Variants in SLC35F1 observed in about 807,000 individuals in gnomAD.
SLC35F1 encodes solute carrier family 35 member F1, also known as chromosome 6 open reading frame 169.
A neutral mutation model predicts 48.7 loss-of-function variants in SLC35F1; 14 were observed. That is an observed-to-expected ratio of 0.29 (90% CI 0.19 to 0.45). The LOEUF (loss-of-function observed/expected upper bound fraction) is 0.45. SLC35F1 is among the 20% of genes least tolerant of loss of function. The pLI is 1.00. For synonymous variants in SLC35F1, 190 were observed against 202.2 expected, an observed-to-expected ratio of 0.94 and a Z score of 0.51; for missense variants, 404 against 500.0, an observed-to-expected ratio of 0.81 and a Z score of 1.83.
chr6:118,109,907 T>G (rs996554418), intron 1 of SLC35F1, among the ~76,000 whole-genome samples: 1 of 152,188 alleles, frequency 6.6e-6, no homozygotes, highest in African/African-American at 2.4e-5. Context: ...GCATAATTAT[T>G]AAGGGCTTTC....
intron 2 of SLC35F1, among the ~76,000 whole-genome samples, chr6:118,174,473 A>T (rs1010970938): frequency 6.6e-6 from 1 of 152,146 alleles, no homozygotes; most frequent in Non-Finnish European, 1.5e-5. Flanking sequence ...ATTAGATGGC[A>T]GGTAGGCACA....
chr6:118,078,606 C>T (rs1772859107), intron 1 of SLC35F1, among the ~76,000 whole-genome samples: 1 of 152,140 alleles, frequency 6.6e-6, no homozygotes, highest in Non-Finnish European at 1.5e-5. Flanking sequence ...TGGTGGATTA[C>T]ACATTGATTT....
At chr6:118,030,841 A>G (rs1562268854) in intron 1 of SLC35F1, among the ~76,000 whole-genome samples, 1 of 152,210 alleles carries the variant, frequency 6.6e-6, no homozygotes. Context: ...CTTTAACAGC[A>G]GAGGGTCATT....
At chr6:118,175,128 C>T (rs192269860) in intron 2 of SLC35F1, among the ~76,000 whole-genome samples, 59 of 152,152 alleles carry the variant, frequency 3.9e-4, no homozygotes, top group Middle Eastern at 3.4e-3. Flanking sequence ...TTAATTTTTA[C>T]AATTTGTTTT....
intron 4 of SLC35F1, among the ~76,000 whole-genome samples, chr6:118,268,036 T>A (rs1426119522): frequency 6.6e-6 from 1 of 152,048 alleles, no homozygotes; most frequent in Non-Finnish European, 1.5e-5. Context: ...TGATAAAGAG[T>A]CAAAAGTGGA....
chr6:117,923,968 G>A (rs940096065), intron 1 of SLC35F1, among the ~76,000 whole-genome samples: 1 of 150,340 alleles, frequency 6.7e-6, no homozygotes, highest in African/African-American at 2.4e-5. Flanking sequence ...CATATATAGG[G>A]AATAGAATGG....
chr6:117,976,737 A>G (rs879349145), intron 1 of SLC35F1, among the ~76,000 whole-genome samples: 13 of 152,314 alleles, frequency 8.5e-5, no homozygotes, highest in Admixed American at 2.6e-4. Flanking sequence ...TTTCAAAAGT[A>G]GTACACATTT....
intron 2 of SLC35F1, among the ~76,000 whole-genome samples, chr6:118,215,584 G>A (rs999858392): frequency 2.0e-5 from 3 of 152,144 alleles, no homozygotes; most frequent in Admixed American, 6.6e-5. Context: ...TGGCAGAAAT[G>A]ACGATATGAT....
intron 1 of SLC35F1, among the ~76,000 whole-genome samples, chr6:118,083,750 T>A (rs1233947808): frequency 6.6e-6 from 1 of 152,252 alleles, no homozygotes; most frequent in East Asian, 1.9e-4. Flanking sequence ...CAGATACAGA[T>A]GAACAATAAT....
At chr6:117,933,558 C>T (rs997853811) in intron 1 of SLC35F1, among the ~76,000 whole-genome samples, 1 of 152,072 alleles carries the variant, frequency 6.6e-6, no homozygotes, top group Non-Finnish European at 1.5e-5. Context: ...TAGAACTGCC[C>T]TCTGGGCACC....
At chr6:118,030,622 G>A (rs1297607963) in intron 1 of SLC35F1, among the ~76,000 whole-genome samples, 2 of 152,120 alleles carry the variant, frequency 1.3e-5, no homozygotes, top group African/African-American at 4.8e-5. Context: ...TTTGGGGGTG[G>A]GGAGATGGGA....
intron 1 of SLC35F1, among the ~76,000 whole-genome samples, chr6:118,013,085 T>A (rs953927628): frequency 6.6e-6 from 1 of 152,216 alleles, no homozygotes; most frequent in Admixed American, 6.5e-5. Flanking sequence ...CCCTGTTTTC[T>A]GCAGCTCAAT....
rs1343380509 is a variant in SLC35F1, at chr6:117,978,490, G to A, written c.173+70591G>A. On this transcript the variant is annotated intron_variant, in intron 1 of 7. Coordinates refer to ENST00000360388, the MANE Select transcript of SLC35F1 (RefSeq NM_001029858.4). Reference sequence around the variant, plus strand: ...ACATCTTCATCATAATGAGCAACAAGCCATGTGGTCTTAAGTGCTGTTTAT... The same window carrying A: ...ACATCTTCATCATAATGAGCAACAAACCATGTGGTCTTAAGTGCTGTTTAT... Among the ~76,000 whole-genome samples the A allele has an allele frequency of 3.3e-5, 5 of 152,116 alleles. No individual in the cohort carries two copies. The South Asian group carries it at 8.3e-4, about 25-fold the overall frequency.
chr6:118,199,858 A>T (rs2114534068), intron 2 of SLC35F1, among the ~76,000 whole-genome samples: 1 of 152,316 alleles, frequency 6.6e-6, no homozygotes, highest in East Asian at 1.9e-4. Context: ...CAGGACACAT[A>T]ATAAATTTCA....
intron 6 of SLC35F1, among the ~76,000 whole-genome samples, chr6:118,283,355 A>G (rs1453199304): frequency 6.6e-6 from 1 of 152,234 alleles, no homozygotes; most frequent in African/African-American, 2.4e-5. Context: ...CTTTCTGCAT[A>G]GCATTAATAG....
intron 2 of SLC35F1, among the ~76,000 whole-genome samples, chr6:118,225,196 A>G (rs1316214803): frequency 6.6e-6 from 1 of 152,216 alleles, no homozygotes; most frequent in African/African-American, 2.4e-5. Context: ...AATCCTGAGC[A>G]AAAAGAACAA....
chr6:118,138,368 T>G (rs1346284763), intron 1 of SLC35F1, among the ~76,000 whole-genome samples: 1 of 151,838 alleles, frequency 6.6e-6, no homozygotes, highest in Admixed American at 6.6e-5. Flanking sequence ...ATCACATAAC[T>G]AAATGCCTCA....
In SLC35F1 at chr6:117,907,442, G is replaced by C. The variant is rs1305031772; in HGVS notation, c.-285G>C. 2 of 225,672 alleles carry C rather than the reference G, an allele frequency of 8.9e-6. No individual in the cohort carries two copies. The highest frequency in any genetic ancestry group is 8.5e-6 in the Non-Finnish European group (1 of 116,984). The allele number at this position is 225,672 out of a possible 1,614,324, so 14.0% of individuals were successfully genotyped here. A position where few individuals can be genotyped will look rare whatever the true frequency, so the allele number is the denominator to read the frequency against. ...ACACCCTTCGCAGCCACTTCGCGGG[G>C]CGGGCCAGGACTTGGGGACGCGGCT... On this transcript the variant is annotated 5_prime_UTR_variant, in exon 1 of 8. Coordinates refer to ENST00000360388, the MANE Select transcript of SLC35F1 (RefSeq NM_001029858.4).
At chr6:117,999,180 C>T (rs1777047524) in intron 1 of SLC35F1, 12 of 1,594,892 alleles carry the variant, frequency 7.5e-6, no homozygotes, top group Admixed American at 3.3e-5. Context: ...AGTGCACGTG[C>T]CGAGGCTATC....
Sources: gnomAD v4.1 joint callset for allele counts (sites outside exome capture counted in the v4.1 genomes callset) on GRCh38, gnomAD v4.1.1 for gene constraint, MANE v1.5 for transcripts, NCBI Gene and HGNC (gene_info 2026-07-23, HGNC 2026-07-21) for gene names.